Variants in PCDH15 observed in about 807,000 individuals in gnomAD.
PCDH15 encodes the protein protocadherin related 15, also known as protocadherin-15.
Under a neutral mutation model 178.5 loss-of-function variants are expected in PCDH15, and 129 were observed. The ratio of observed to expected loss-of-function variants is 0.72; its 90% CI spans 0.63 to 0.84. The LOEUF is 0.84. PCDH15 is among the 40% of genes least tolerant of loss of function. PCDH15 has a pLI of 0.00. For missense variants in PCDH15, 2,230 were observed against 2,099.9 expected, an observed-to-expected ratio of 1.06 and a Z score of -1.21; for synonymous variants, 800 against 732.0, an observed-to-expected ratio of 1.09 and a Z score of -1.50.
chr10:53,959,902 C>A, intron 22 of PCDH15, 58 bp from the exon 23 acceptor site: 1 of 1,273,184 alleles, frequency 7.9e-7, no homozygotes, highest in Non-Finnish European at 1.1e-6. Context: ...CGTAACAGCA[C>A]AATTTTTATA....
chr10:54,450,696 TAGCTTC>T (rs1161246549), intron 3 of PCDH15, among the ~76,000 whole-genome samples: 1 of 151,806 alleles, frequency 6.6e-6, no homozygotes, highest in East Asian at 1.9e-4. Flanking sequence ...GGGAATTTAC[TAGCTTC>T]AATTGAAAAA....
chr10:53,861,106 T>G (rs919945816), intron 27 of PCDH15, among the ~76,000 whole-genome samples: 1 of 152,172 alleles, frequency 6.6e-6, no homozygotes, highest in African/African-American at 2.4e-5. Context: ...ACAGAAATTC[T>G]ACATCCTAAC....
chr10:54,057,692 GCTC>G (rs1030979296), intron 18 of PCDH15, among the ~76,000 whole-genome samples: 134 of 152,228 alleles, frequency 8.8e-4, no homozygotes, highest in African/African-American at 3.0e-3. Context: ...TTAGCATTTG[GCTC>G]CTCCTTACTT....
At chr10:54,253,072 AAAG>A (rs1452656558) in intron 8 of PCDH15, among the ~76,000 whole-genome samples, 3 of 152,078 alleles carry the variant, frequency 2.0e-5, no homozygotes, top group Admixed American at 2.0e-4. Context: ...GGAAAATCCA[AAAG>A]AAGAGATACA....
chr10:54,880,744 C>A (rs1425784599), intron 3 of PCDH15, among the ~76,000 whole-genome samples: 1 of 149,420 alleles, frequency 6.7e-6, no homozygotes, highest in Non-Finnish European at 1.5e-5. Flanking sequence ...TTAAATTATA[C>A]ATTTCCACAT....
intron 8 of PCDH15, among the ~76,000 whole-genome samples, chr10:54,277,636 T>C (rs542824841): frequency 6.6e-6 from 1 of 151,858 alleles, no homozygotes; most frequent in East Asian, 1.9e-4. Context: ...ACTGGTTTTC[T>C]GTGTTTTACC....
intron 2 of PCDH15, among the ~76,000 whole-genome samples, chr10:55,566,279 C>T (rs1278186416): frequency 2.0e-5 from 3 of 151,224 alleles, no homozygotes; most frequent in African/African-American, 7.3e-5. Flanking sequence ...AAAAAAAACA[C>T]TCAACAAAGT....
rs6481130 is a variant in PCDH15, at chr10:54,901,673, C to A, written c.-79-4173G>T. 2.6e-5 allele frequency among the ~76,000 whole-genome samples: 4 copies of A among 152,014 alleles called. No homozygotes were observed. In the East Asian group the frequency reaches 7.7e-4, roughly 29 times the overall value. On this transcript the variant is annotated intron_variant, in intron 2 of 5. Coordinates refer to the PCDH15 transcript ENST00000458638. ...CACAGATAGTCTCATGTAGTCCTTA[C>A]ATGACTCATATTATAATCCATTACT...
intron 9 of PCDH15, among the ~76,000 whole-genome samples, chr10:54,214,526 T>C (rs2051792313): frequency 6.6e-6 from 1 of 152,220 alleles, no homozygotes; most frequent in Non-Finnish European, 1.5e-5. Context: ...ATCAAGCTAA[T>C]AATGTTAATC....
chr10:54,777,477 G>T (rs1949833963), intron 1 of PCDH15, among the ~76,000 whole-genome samples: 1 of 152,166 alleles, frequency 6.6e-6, no homozygotes, highest in Admixed American at 6.5e-5. Flanking sequence ...TACCTCATCT[G>T]GGTTAGAGGA....
rs773363608 is a variant in PCDH15, at chr10:55,000,513, C to T, written c.-79-103013G>A. Among the ~76,000 whole-genome samples, 47 of 152,050 alleles carry T rather than the reference C, an allele frequency of 3.1e-4. 1 individual carries two copies. The highest frequency in any genetic ancestry group is 8.8e-5 in the Non-Finnish European group (6 of 68,032). On this transcript the variant is annotated intron_variant, in intron 2 of 5. Coordinates refer to the PCDH15 transcript ENST00000458638. ...CTCTACAAACAATTTGTGCAGGTAA[C>T]ACAATCATCACAGGGTCCTGAGGCG...
Position 55,058,574 on chromosome 10 carries a change from C to T in PCDH15, c.-80+108002G>A, listed in dbSNP as rs529897729. Among the ~76,000 whole-genome samples the T allele has an allele frequency of 7.2e-5, 11 of 151,956 alleles. No individual in the cohort carries two copies. The South Asian group carries it at 1.9e-3, about 26-fold the overall frequency. On this transcript the variant is annotated intron_variant, in intron 2 of 5. Coordinates refer to the PCDH15 transcript ENST00000458638. ...CTCCCTTCTTTGTTCTAACGTGTAC[C>T]GTGTAGAATATTACAAAACACAGAG...
At position 54,945,943 on chromosome 10, in the gene PCDH15, A is replaced by G. The variant is rs191076642; in HGVS notation, c.-79-48443T>C. 5.9e-5 allele frequency among the ~76,000 whole-genome samples: 9 copies of G among 151,950 alleles called. No homozygotes were observed. In the East Asian group the frequency reaches 1.7e-3, roughly 30 times the overall value. Reference sequence around the variant, plus strand: ...TTAAATAAATATTATGTGTGTTTCAATGTACTCAATTTGTGTGTTAGTCAT... The same window carrying G: ...TTAAATAAATATTATGTGTGTTTCAGTGTACTCAATTTGTGTGTTAGTCAT... On this transcript the variant is annotated intron_variant, in intron 2 of 5. Coordinates refer to the PCDH15 transcript ENST00000458638.
chr10:54,820,300 A>G (rs1459403434), intron 3 of PCDH15, among the ~76,000 whole-genome samples: 1 of 152,006 alleles, frequency 6.6e-6, no homozygotes, highest in Non-Finnish European at 1.5e-5. Context: ...TGAATCACTC[A>G]TCAGGATAAA....
At chr10:55,485,957 T>G (rs1249680821) in intron 2 of PCDH15, among the ~76,000 whole-genome samples, 3 of 151,686 alleles carry the variant, frequency 2.0e-5, no homozygotes, top group Non-Finnish European at 4.4e-5. Context: ...ATCCTGTATT[T>G]CTAGGCTAGG....
At chr10:54,099,904 C>T (rs1050815861) in intron 15 of PCDH15, among the ~76,000 whole-genome samples, 1 of 152,088 alleles carries the variant, frequency 6.6e-6, no homozygotes, top group African/African-American at 2.4e-5. Context: ...TCTTAATTCT[C>T]TCACTTTTAG....
At chr10:55,447,571 T>G (rs1404015838) in intron 2 of PCDH15, among the ~76,000 whole-genome samples, 1 of 151,966 alleles carries the variant, frequency 6.6e-6, no homozygotes, top group Non-Finnish European at 1.5e-5. Flanking sequence ...AAGAAAATGG[T>G]ATCAGCAAAA....
intron 2 of PCDH15, among the ~76,000 whole-genome samples, chr10:54,643,989 C>T (rs1175878528): frequency 5.9e-5 from 6 of 102,336 alleles, no homozygotes; most frequent in Non-Finnish European, 1.8e-5. Flanking sequence ...CCACAACAGT[C>T]CCCAGAGTGT....
At chr10:55,082,082 C>G (rs1369582946) in intron 2 of PCDH15, among the ~76,000 whole-genome samples, 2 of 152,094 alleles carry the variant, frequency 1.3e-5, no homozygotes, top group Non-Finnish European at 2.9e-5. Context: ...ATGGACCTAA[C>G]AGATATTTAT....
Sources: gnomAD v4.1 joint callset for allele counts (sites outside exome capture counted in the v4.1 genomes callset) on GRCh38, gnomAD v4.1.1 for gene constraint, MANE v1.5 for transcripts, NCBI Gene and HGNC (gene_info 2026-07-23, HGNC 2026-07-21) for gene names.